Variants in CNTNAP4 observed in about 807,000 individuals in gnomAD.
CNTNAP4 encodes contactin-associated protein-like 4.
CNTNAP4 carries 98 observed loss-of-function variants against 148.4 expected under a neutral mutation model. That is an observed-to-expected ratio of 0.66 (90% CI 0.56 to 0.78). The LOEUF is 0.78. Ranked by LOEUF, CNTNAP4 falls within the 30% of genes least tolerant of loss-of-function variation. The probability of loss-of-function intolerance (pLI) is 0.00; values close to 1 mark genes in which losing one functional copy is unlikely to be tolerated. For missense variants in CNTNAP4, 1,935 were observed against 1,565.6 expected (o/e 1.24, Z -3.98); for synonymous variants, 730 against 565.1 (o/e 1.29, Z -4.14).
intron 3 of CNTNAP4, among the ~76,000 whole-genome samples, chr16:76,408,414 A>G (rs902126482): frequency 3.3e-5 from 5 of 151,678 alleles, no homozygotes; most frequent in Non-Finnish European, 7.4e-5. Flanking sequence ...AACAATTAAC[A>G]ACCACCACCC....
chr16:76,419,157 C>A (rs2079090040), intron 3 of CNTNAP4, among the ~76,000 whole-genome samples: 1 of 151,866 alleles, frequency 6.6e-6, no homozygotes, highest in Non-Finnish European at 1.5e-5. Flanking sequence ...AGCTTTTTTC[C>A]CTCCTGCCAG....
At chr16:76,376,993 G>A (rs1013702121) in intron 3 of CNTNAP4, among the ~76,000 whole-genome samples, 1 of 151,308 alleles carries the variant, frequency 6.6e-6, no homozygotes, top group Non-Finnish European at 1.5e-5. Context: ...GGAGAGATGG[G>A]AGATTTATTT....
At chr16:76,343,895 A>C (rs1409548580) in intron 2 of CNTNAP4, among the ~76,000 whole-genome samples, 1 of 152,186 alleles carries the variant, frequency 6.6e-6, no homozygotes, top group African/African-American at 2.4e-5. Flanking sequence ...TCTTTTCTCT[A>C]CATTTTTCAT....
rs572575564 is a variant in CNTNAP4, at chr16:76,317,457, CTT to C, written c.196+937_196+938del. 2.0e-3 allele frequency among the ~76,000 whole-genome samples: 304 copies of C among 152,268 alleles called. 2 individuals carry two copies. Among genetic ancestry groups the C allele is most frequent in the African/African-American group, 6.9e-3 (286 of 41,558 alleles). ...TAGAGACAGAGTGTCACTGTGATCT[CTT>C]TTCATAACATACTAAGGTAAAATTC... is the stretch of plus-strand genomic sequence containing the variant. On this transcript the variant is annotated intron_variant, in intron 2 of 23. Coordinates refer to ENST00000611870, the MANE Select transcript of CNTNAP4 (RefSeq NM_033401.5).
rs547371602 is a variant in CNTNAP4, at chr16:76,547,799, G to T, written c.3443-5484G>T. 1.0e-3 allele frequency among the ~76,000 whole-genome samples: 154 copies of T among 152,276 alleles called. 5 individuals carry two copies. The South Asian group carries it at 0.023, about 23-fold the overall frequency. ...TCAGGTTTCTGCAGTGGCAATTTAG[G>T]CCAGATGTAAATAAAATGTGTGGTC... On this transcript the variant is annotated intron_variant, in intron 21 of 23. Transcript: ENST00000611870.
intron 3 of CNTNAP4, among the ~76,000 whole-genome samples, chr16:76,363,986 C>G: frequency 6.6e-6 from 1 of 151,822 alleles, no homozygotes; most frequent in African/African-American, 2.4e-5. Context: ...CCTGTAATCC[C>G]AGCACTTTGG....
chr16:76,429,333 T>C (rs529116475), intron 4 of CNTNAP4, among the ~76,000 whole-genome samples: 2 of 152,364 alleles, frequency 1.3e-5, no homozygotes, highest in South Asian at 4.1e-4. Context: ...AAGTGCTTCC[T>C]GTTTACAGTT....
chr16:76,549,862 A>G (rs2084891734), intron 21 of CNTNAP4, among the ~76,000 whole-genome samples: 1 of 152,208 alleles, frequency 6.6e-6, no homozygotes, highest in Non-Finnish European at 1.5e-5. Context: ...TGGCATTCTA[A>G]GAGAATAAAA....
At chr16:76,320,035 T>G (rs185650507) in intron 2 of CNTNAP4, among the ~76,000 whole-genome samples, 5 of 152,306 alleles carry the variant, frequency 3.3e-5, no homozygotes, top group African/African-American at 1.2e-4. Context: ...GAGCAAAGGT[T>G]GGAAGAATTT....
chr16:76,500,668 T>C (rs1384899691), intron 15 of CNTNAP4, among the ~76,000 whole-genome samples: 1 of 151,642 alleles, frequency 6.6e-6, no homozygotes, highest in Non-Finnish European at 1.5e-5. Flanking sequence ...TTTAAACCAG[T>C]GGTGCATGCT....
At chr16:76,519,610 C>T (rs1289693576) in intron 15 of CNTNAP4, among the ~76,000 whole-genome samples, 1 of 152,136 alleles carries the variant, frequency 6.6e-6, no homozygotes, top group Admixed American at 6.5e-5. Flanking sequence ...TCTAAGAATG[C>T]AAATGTGTTG....
intron 15 of CNTNAP4, among the ~76,000 whole-genome samples, chr16:76,510,187 CT>C (rs139189170): frequency 0.16 from 23,891 of 147,102 alleles, 2,768 homozygotes; most frequent in Admixed American, 0.31. Flanking sequence ...CAGTAACCTG[CT>C]TTTTTTTTTC....
At chr16:76,437,697 T>A (rs555331865) in intron 4 of CNTNAP4, among the ~76,000 whole-genome samples, 5 of 152,206 alleles carry the variant, frequency 3.3e-5, no homozygotes, top group African/African-American at 1.2e-4. Context: ...ATATCTTAAT[T>A]TTCCTATGTA....
chr16:76,558,435 GCA>G, intron 23 of CNTNAP4, 53 bp from the exon 24 acceptor site: 2 of 1,008,068 alleles, frequency 2.0e-6, no homozygotes, highest in Non-Finnish European at 3.0e-6. Flanking sequence ...AATGAAGTCA[GCA>G]CAGTTTCTAT....
chr16:76,538,372 T>G (rs1220293394), intron 19 of CNTNAP4, 32 bp downstream of exon 19: 1 of 1,469,118 alleles, frequency 6.8e-7, no homozygotes, highest in East Asian at 2.3e-5. Context: ...GAGAGAAAAT[T>G]AAATTAGAAC....
chr16:76,355,503 A>G lies in CNTNAP4; in HGVS notation c.382A>G (p.Ser128Gly), dbSNP rs776870562. The change falls in exon 3 of 24, where the codon AGC (serine) becomes GGC (glycine). Residue 128 changes from serine (S) to glycine (G), a missense_variant. Ser to Gly is a moderately conservative substitution (Grantham distance 56, BLOSUM62 0). Coordinates refer to ENST00000611870, the MANE Select transcript of CNTNAP4 (RefSeq NM_033401.5). The stretch of plus-strand genomic sequence containing the variant: ...CTGGAAACAATATCGCCAAGAGGAC[A>G]GCATCTGGGTATGTTCTTTAACAAA... ...WNWKQYRQED[S>G]IWGFSGNANA... The G allele has an allele frequency of 2.9e-5, 47 of 1,606,070 alleles. 2 individuals are homozygous for G. In the Admixed American group the frequency reaches 5.5e-4, roughly 19 times the overall value.
intron 3 of CNTNAP4, among the ~76,000 whole-genome samples, chr16:76,374,742 CTATTAT>C (rs34594219): frequency 0.012 from 1,536 of 131,594 alleles, 15 homozygotes; most frequent in Middle Eastern, 0.015. Context: ...GACTATGACA[CTATTAT>C]TATTATTATT....
chr16:76,391,316 C>G (rs1402825436), intron 3 of CNTNAP4, among the ~76,000 whole-genome samples: 1 of 152,192 alleles, frequency 6.6e-6, no homozygotes, highest in African/African-American at 2.4e-5. Context: ...TTTCACATCT[C>G]TTATTATTTT....
chr16:76,468,474 AAAAT>A (rs570603130), intron 10 of CNTNAP4, among the ~76,000 whole-genome samples: 7 of 151,890 alleles, frequency 4.6e-5, no homozygotes, highest in African/African-American at 1.2e-4. Flanking sequence ...ACTCTGGCTC[AAAAT>A]AAATAAATAA....
Sources: gnomAD v4.1 joint callset for allele counts (sites outside exome capture counted in the v4.1 genomes callset) on GRCh38, gnomAD v4.1.1 for gene constraint, MANE v1.5 for transcripts, NCBI Gene and HGNC (gene_info 2026-07-23, HGNC 2026-07-21) for gene names.